Variants in SARNP observed in about 807,000 individuals in gnomAD.
SARNP encodes the protein SAP domain containing ribonucleoprotein, also known as SAP domain-containing ribonucleoprotein.
In SARNP, 5 loss-of-function variants were observed where a neutral mutation model predicts 38.1. The ratio of observed to expected loss-of-function variants is 0.13; its 90% CI spans 0.07 to 0.28. SARNP has a LOEUF of 0.28. Among genes scored for constraint, SARNP ranks in the 10% least tolerant of loss-of-function variants. SARNP has a pLI of 1.00. For synonymous variants in SARNP, 84 were observed against 80.6 expected, an observed-to-expected ratio of 1.04 and a Z score of -0.23; for missense variants, 180 against 243.9, an observed-to-expected ratio of 0.74 and a Z score of 1.75.
chr12:55,773,373 A>G (rs1294388937), intron 9 of SARNP, among the ~76,000 whole-genome samples: 1 of 152,196 alleles, frequency 6.6e-6, no homozygotes, highest in Non-Finnish European at 1.5e-5. Context: ...TCTCCTATAA[A>G]TGCTAAGGGT....
chr12:55,754,709 T>C (rs1878448928), downstream of SARNP: 1 of 152,212 alleles, frequency 6.6e-6, no homozygotes, highest in Middle Eastern at 3.2e-3. Flanking sequence ...ACTATGCAAA[T>C]TATGGTAAGC....
intron 1 of SARNP, among the ~76,000 whole-genome samples, chr12:55,804,510 T>TA (rs1177141671): frequency 2.6e-5 from 4 of 152,000 alleles, no homozygotes; most frequent in South Asian, 4.1e-4. Flanking sequence ...TTCCTACACT[T>TA]AGATTCAAAA....
At chr12:55,806,986 T>A (rs1042028979) in intron 1 of SARNP, among the ~76,000 whole-genome samples, 2 of 152,118 alleles carry the variant, frequency 1.3e-5, no homozygotes, top group Non-Finnish European at 2.9e-5. Context: ...GAGACAGTGG[T>A]CTCGCCATGT....
intron 10 of SARNP, 26 bp downstream of exon 10, chr12:55,760,525 A>C (rs780746190): frequency 7.6e-7 from 1 of 1,313,410 alleles, no homozygotes; most frequent in African/African-American, 1.4e-5. Context: ...TTCAAGGTCT[A>C]TGAAGCGTTC....
At chr12:55,763,452 C>A (rs553216573) in intron 9 of SARNP, among the ~76,000 whole-genome samples, 1 of 152,184 alleles carries the variant, frequency 6.6e-6, no homozygotes, top group African/African-American at 2.4e-5. Context: ...GCTGGGACTA[C>A]ATGCGCACGC....
chr12:55,809,941 C>T (rs1049378164), intron 1 of SARNP, among the ~76,000 whole-genome samples: 9 of 152,088 alleles, frequency 5.9e-5, no homozygotes, highest in Non-Finnish European at 1.2e-4. Flanking sequence ...AACTTTTTAC[C>T]ATATACTCTT....
chr12:55,773,105 TAG>T (rs1199508749), intron 9 of SARNP, among the ~76,000 whole-genome samples: 2 of 152,174 alleles, frequency 1.3e-5, no homozygotes, highest in Non-Finnish European at 2.9e-5. Flanking sequence ...TTCAGAAATT[TAG>T]AGTGAGCACT....
At chr12:55,814,140 T>C (rs1010870030) in intron 1 of SARNP, among the ~76,000 whole-genome samples, 1 of 152,102 alleles carries the variant, frequency 6.6e-6, no homozygotes, top group Non-Finnish European at 1.5e-5. Context: ...AGGGATATAA[T>C]TTAAAGGTTT....
rs775767914 is a variant in SARNP, at chr12:55,800,581, G to A, written c.232C>T (p.Pro78Ser). The change falls in exon 4 of 11, where the codon CCT becomes TCT. Residue 78 changes from proline to serine, a missense_variant. Coordinates refer to ENST00000336133, the MANE Select transcript of SARNP (RefSeq NM_033082.4). ...AATTACACATCAACAGTTTTTTCAG[G>A]GGGTTCTTCCTCTTTGACAGGGAGC... Reference protein sequence around the residue: ...IELPVKEEEPPEKTVDVAAEK... With the variant: ...IELPVKEEEPSEKTVDVAAEK... 3 of 1,610,364 alleles carry A rather than the reference G, an allele frequency of 1.9e-6. No homozygotes were observed. The highest frequency in any genetic ancestry group is 2.2e-5 in the East Asian group (1 of 44,862).
chr12:55,813,924 C>A (rs1050979701), intron 1 of SARNP, among the ~76,000 whole-genome samples: 2 of 152,148 alleles, frequency 1.3e-5, no homozygotes, highest in African/African-American at 4.8e-5. Context: ...TATGGTTTTT[C>A]TTATTTTCAA....
At chr12:55,817,527 G>A in intron 1 of SARNP, 139 bp downstream of exon 1, 4 of 721,694 alleles carry the variant, frequency 5.5e-6, no homozygotes, top group Middle Eastern at 2.5e-4. Context: ...GTGGAAGGGT[G>A]GCACAAAAGA....
chr12:55,801,705 C>G (rs989134963), intron 2 of SARNP, among the ~76,000 whole-genome samples: 18 of 152,126 alleles, frequency 1.2e-4, no homozygotes, highest in African/African-American at 4.3e-4. Flanking sequence ...GCAGCCTCCC[C>G]CTCCTGGGCT....
chr12:55,806,275 A>ATT (rs1156430335), intron 1 of SARNP, among the ~76,000 whole-genome samples: 5 of 142,792 alleles, frequency 3.5e-5, no homozygotes, highest in Non-Finnish European at 4.7e-5. Flanking sequence ...ATTAAAAAAA[A>ATT]TTTTTTTTTT....
intron 1 of SARNP, among the ~76,000 whole-genome samples, chr12:55,804,583 C>CCTG (rs1880080315): frequency 6.6e-6 from 1 of 152,058 alleles, no homozygotes; most frequent in African/African-American, 2.4e-5. Context: ...AGGATAAAGA[C>CCTG]ATCAGAATTT....
chr12:55,795,097 T>C (rs1273326216), intron 5 of SARNP, among the ~76,000 whole-genome samples: 4 of 151,872 alleles, frequency 2.6e-5, no homozygotes, highest in African/African-American at 9.7e-5. Flanking sequence ...GTAGCTGGGA[T>C]TACAGGACTG....
At chr12:55,768,107 C>T (rs900211303) in intron 9 of SARNP, among the ~76,000 whole-genome samples, 3 of 151,958 alleles carry the variant, frequency 2.0e-5, no homozygotes, top group Non-Finnish European at 4.4e-5. Flanking sequence ...CTCCCTCCTT[C>T]CCTCCCTCTC....
At chr12:55,816,773 A>G (rs566897823) in intron 1 of SARNP, among the ~76,000 whole-genome samples, 1 of 152,314 alleles carries the variant, frequency 6.6e-6, no homozygotes, top group South Asian at 2.1e-4. Context: ...CTTCTTTTTA[A>G]TATATTTTTT....
At chr12:55,788,330 CT>C (rs901742688) in intron 9 of SARNP, among the ~76,000 whole-genome samples, 47 of 147,446 alleles carry the variant, frequency 3.2e-4, no homozygotes, top group East Asian at 1.6e-3. Flanking sequence ...AATGAATTAA[CT>C]TTTTTTTTTT....
At chr12:55,803,571 A>C in intron 2 of SARNP, 58 bp downstream of exon 2, 1 of 993,618 alleles carries the variant, frequency 1.0e-6, no homozygotes, top group Non-Finnish European at 1.5e-6. Context: ...AAATCTTTTC[A>C]GTGTCAAAGC....
Sources: allele counts gnomAD v4.1 joint callset (sites outside exome capture counted in the v4.1 genomes callset), GRCh38; gene constraint gnomAD v4.1.1; transcripts MANE v1.5; gene names NCBI Gene and HGNC (gene_info 2026-07-23, HGNC 2026-07-21).